The following SERBP1 variants were observed in gnomAD, a reference collection of about 807,000 sequenced individuals.
The protein encoded by SERBP1 is SERPINE1 mRNA-binding protein 1.
In SERBP1, 6 loss-of-function variants were observed where a neutral mutation model predicts 50.2. The observed-to-expected ratio is 0.12, with a 90% CI of 0.07 to 0.24. The LOEUF (loss-of-function observed/expected upper bound fraction) is 0.24. Among genes scored for constraint, SERBP1 ranks in the 10% least tolerant of loss-of-function variants. The pLI is 1.00. For missense variants in SERBP1, 346 were observed against 524.9 expected, an observed-to-expected ratio of 0.66 and a Z score of 3.33; for synonymous variants, 168 against 182.8, an observed-to-expected ratio of 0.92 and a Z score of 0.65.
Position 67,411,117 on chromosome 1 carries a change from G to GT in SERBP1, c.*2089dup, listed in dbSNP as rs913955705. The GT allele has an allele frequency of 2.0e-5, 3 of 152,096 alleles. No homozygotes were observed. Among genetic ancestry groups the GT allele is most frequent in the African/African-American group, 7.2e-5 (3 of 41,428 alleles). The allele number at this position is 152,096 out of a possible 1,614,324, so 9.4% of individuals were successfully genotyped here. A position where few individuals can be genotyped will look rare whatever the true frequency, so the allele number is the denominator to read the frequency against. On this transcript the variant is annotated 3_prime_UTR_variant, in exon 8 of 8. Transcript: ENST00000361219. ...CCAATAAGAGAAAGTTAGGTTCACA[G>GT]TTTTAGCTCTTGACACAAAGTGAAC...
At chr1:67,427,785 T>A (rs911326667) in intron 1 of SERBP1, among the ~76,000 whole-genome samples, 1 of 152,202 alleles carries the variant, frequency 6.6e-6, no homozygotes, top group Non-Finnish European at 1.5e-5. Context: ...AAGACTGACA[T>A]TTAAAAATGC....
chr1:67,430,109 G>T lies in SERBP1; in HGVS notation c.192C>A (p.Asn64Lys). Reference sequence around the variant, plus strand: ...CCTTGCGCAGCTGTTTGCCTGCCGCGTTGGAGTTGGTCTGGGCCGCGGCCT... The same window carrying T: ...CCTTGCGCAGCTGTTTGCCTGCCGCTTTGGAGTTGGTCTGGGCCGCGGCCT... ...AAQAAAQTNS[N>K]AAGKQLRKES... is the part of the protein sequence containing the mutation. Residue 64 changes from asparagine to lysine, a missense_variant, in exon 1 of 8, where the codon AAC (asparagine) becomes AAA (lysine). Physicochemically the swap from Asn to Lys is moderately conservative, Grantham distance 94. Around this residue, in one of 5 missense-constraint regions of SERBP1, gnomAD observed 257 missense variants for 331.2 expected, o/e 0.78. Coordinates refer to ENST00000361219, the MANE Select transcript of SERBP1 (RefSeq NM_001018069.2). 6.2e-7 allele frequency: 1 copy of T among 1,612,504 alleles called. No individual in the cohort carries two copies. The highest frequency in any genetic ancestry group is 8.5e-7 in the Non-Finnish European group (1 of 1,179,828).
intron 1 of SERBP1, among the ~76,000 whole-genome samples, chr1:67,427,111 T>C (rs1355681734): frequency 6.6e-6 from 1 of 151,426 alleles, no homozygotes; most frequent in Non-Finnish European, 1.5e-5. Flanking sequence ...TCTAAAAAAT[T>C]TGCCCTAACA....
Position 67,412,905 on chromosome 1 carries a change from G to C in SERBP1, c.*302C>G, listed in dbSNP as rs969617059. 2 of 378,078 alleles carry C rather than the reference G, an allele frequency of 5.3e-6. No individual in the cohort carries two copies. Among genetic ancestry groups the C allele is most frequent in the African/African-American group, 2.2e-5 (1 of 46,144 alleles). 23.4% of individuals were successfully genotyped at this position (378,078 alleles called of 1,614,324 possible). A position where few individuals can be genotyped will look rare whatever the true frequency, so the allele number is the denominator to read the frequency against. ...TGTTCACACCTATATTTCAAGTTTG[G>C]AAATGCATATTTGCAAGCAGCAATA... On this transcript the variant is annotated 3_prime_UTR_variant, in exon 8 of 8. Coordinates refer to ENST00000361219, the MANE Select transcript of SERBP1 (RefSeq NM_001018069.2).
At chr1:67,415,569 C>A (rs528642285) in intron 6 of SERBP1, among the ~76,000 whole-genome samples, 1 of 152,286 alleles carries the variant, frequency 6.6e-6, no homozygotes, top group East Asian at 1.9e-4. Flanking sequence ...ACCAGCAGTC[C>A]TCAACTAAAG....
At chr1:67,417,839 A>G (rs1000937083) in intron 6 of SERBP1, among the ~76,000 whole-genome samples, 2 of 151,764 alleles carry the variant, frequency 1.3e-5, no homozygotes, top group African/African-American at 4.8e-5. Context: ...GACAATGAGG[A>G]GCAGAAAACA....
intron 6 of SERBP1, among the ~76,000 whole-genome samples, chr1:67,416,852 A>C (rs988224232): frequency 6.6e-6 from 1 of 152,262 alleles, no homozygotes; most frequent in African/African-American, 2.4e-5. Flanking sequence ...AGAATCAATT[A>C]TATATACTAA....
chr1:67,413,164 A>AG lies in SERBP1; in HGVS notation c.*42dup, dbSNP rs554394152. ...CCTTAAGCATGCAAAAGCTTTGAAC[A>AG]GAAGGGTTCACAAAGGAACCAGGGT... On this transcript the variant is annotated 3_prime_UTR_variant, in exon 8 of 8. Coordinates refer to ENST00000361219, the MANE Select transcript of SERBP1 (RefSeq NM_001018069.2). 118 of 1,560,056 alleles carry AG rather than the reference A, an allele frequency of 7.6e-5. No individual in the cohort carries two copies. The East Asian group carries it at 2.5e-3, about 33-fold the overall frequency.
At position 67,412,177 on chromosome 1, in the gene SERBP1, G is replaced by A. The variant is rs895255269; in HGVS notation, c.*1030C>T. ...CCAGCGCCCTTTGGTTTTTGTTTTAGAACAAGGAAGGGTTAAATGGTGGCT... is the reference window on the plus strand; with the variant it reads ...CCAGCGCCCTTTGGTTTTTGTTTTAAAACAAGGAAGGGTTAAATGGTGGCT... On this transcript the variant is annotated 3_prime_UTR_variant, in exon 8 of 8. Transcript: ENST00000361219. 6 of 152,586 alleles carry A rather than the reference G, an allele frequency of 3.9e-5. No homozygotes were observed. Among genetic ancestry groups the A allele is most frequent in the Non-Finnish European group, 8.8e-5 (6 of 68,026 alleles). The allele number at this position is 152,586 out of a possible 1,614,324, so 9.5% of individuals were successfully genotyped here.
intron 5 of SERBP1, among the ~76,000 whole-genome samples, chr1:67,423,285 G>T (rs1382289412): frequency 1.4e-5 from 2 of 144,410 alleles, no homozygotes; most frequent in Non-Finnish European, 3.0e-5. Flanking sequence ...CAACAAGAGT[G>T]AACTCCATCT....
chr1:67,409,824 T>C lies in SERBP1; in HGVS notation c.*3383A>G, dbSNP rs1201612134. 6.6e-6 allele frequency: 1 copy of C among 152,220 alleles called. No homozygotes were observed. Among genetic ancestry groups the C allele is most frequent in the African/African-American group, 2.4e-5 (1 of 41,460 alleles). 9.4% of individuals were successfully genotyped at this position (152,220 alleles called of 1,614,324 possible). On this transcript the variant is annotated 3_prime_UTR_variant, in exon 8 of 8. Transcript: ENST00000361219. ...CAAATGATATTGATAAATCATTTAA[T>C]TACTATGGTCCAGTTCAAATATGTA...
intron 7 of SERBP1, among the ~76,000 whole-genome samples, chr1:67,414,344 C>T (rs912568090): frequency 1.4e-5 from 2 of 143,806 alleles, no homozygotes; most frequent in Admixed American, 7.2e-5. Context: ...ATGGGAAAAG[C>T]CCATCAACAC....
rs1029646303 is a variant in SERBP1 at position 67,430,277 on chromosome 1, G to A, written c.24C>T (p.Gly8=). 2.6e-6 allele frequency: 4 copies of A among 1,543,406 alleles called. No homozygotes were observed. In the African/African-American group the frequency reaches 4.2e-5, roughly 16 times the overall value. The change falls in exon 1 of 8, where the codon GGC becomes GGT. Residue 8 remains glycine, a synonymous_variant. Coordinates refer to ENST00000361219, the MANE Select transcript of SERBP1 (RefSeq NM_001018069.2). MPGHLQE[G]FGCVVTNRFD... ...ATCGGTTGGTGACCACGCAGCCGAA[G>A]CCTTCCTGTAAGTGCCCAGGCATGA...
At position 67,411,242 on chromosome 1, in the gene SERBP1, T is replaced by A. The variant is rs1666829550; in HGVS notation, c.*1965A>T. 1 of 152,152 alleles carries A rather than the reference T, an allele frequency of 6.6e-6. No individual in the cohort carries two copies. Among genetic ancestry groups the A allele is most frequent in the Non-Finnish European group, 1.5e-5 (1 of 68,004 alleles). 9.4% of individuals were successfully genotyped at this position (152,152 alleles called of 1,614,324 possible). A position where few individuals can be genotyped will look rare whatever the true frequency, so the allele number is the denominator to read the frequency against. On this transcript the variant is annotated 3_prime_UTR_variant, in exon 8 of 8. Transcript: ENST00000361219. ...CAACATACCAGATATTGCTATGTTG[T>A]CTCTCACGACAGCAATGGATGACAC...
At chr1:67,421,718 C>T (rs1667202936) in intron 5 of SERBP1, among the ~76,000 whole-genome samples, 1 of 152,086 alleles carries the variant, frequency 6.6e-6, no homozygotes, top group East Asian at 1.9e-4. Flanking sequence ...TTTTGGGAGG[C>T]CAAGGCGGGA....
rs564197080 is a variant in SERBP1, at chr1:67,418,973, A to G, written c.951+1036T>C. On this transcript the variant is annotated intron_variant, in intron 6 of 7. Transcript: ENST00000361219. ...AAGAAATAATATAGTTAGGGCTTGT[A>G]TGAGTTTTTAAAGCCAAACAGGAAG... 3.9e-5 allele frequency among the ~76,000 whole-genome samples: 6 copies of G among 152,346 alleles called. No homozygotes were observed. In the South Asian group the frequency reaches 1.2e-3, roughly 32 times the overall value.
intron 6 of SERBP1, among the ~76,000 whole-genome samples, chr1:67,416,011 C>CTTTTTT (rs376512995): frequency 1.6e-5 from 2 of 125,340 alleles, no homozygotes; most frequent in Admixed American, 8.5e-5. Flanking sequence ...TCACAGGAAC[C>CTTTTTT]TTTTTTTTTT....
rs1557497674 is a variant in SERBP1, at chr1:67,411,132, A to G, written c.*2075T>C. 6.6e-6 allele frequency: 1 copy of G among 152,170 alleles called. No homozygotes were observed. The highest frequency in any genetic ancestry group is 1.5e-5 in the Non-Finnish European group (1 of 67,986). The allele number at this position is 152,170 out of a possible 1,614,324, so 9.4% of individuals were successfully genotyped here. ...TAGGTTCACAGTTTTAGCTCTTGAC[A>G]CAAAGTGAACTAGGAGGCAAATTTA... On this transcript the variant is annotated 3_prime_UTR_variant, in exon 8 of 8. Coordinates refer to ENST00000361219, the MANE Select transcript of SERBP1 (RefSeq NM_001018069.2).
chr1:67,427,211 T>C (rs549811124), intron 1 of SERBP1, among the ~76,000 whole-genome samples: 3 of 152,348 alleles, frequency 2.0e-5, no homozygotes, highest in South Asian at 2.1e-4. Flanking sequence ...AGAAAACTTG[T>C]GACACTAAGT....
Sources: allele counts gnomAD v4.1 joint callset (sites outside exome capture counted in the v4.1 genomes callset), GRCh38; gene constraint gnomAD v4.1.1; regional missense constraint gnomAD v4.1.1; transcripts MANE v1.5; gene names NCBI Gene and HGNC (gene_info 2026-07-23, HGNC 2026-07-21).